The following MPDZ variants were observed in gnomAD, a reference collection of about 807,000 sequenced individuals.
The protein encoded by MPDZ is multiple PDZ domain protein.
In MPDZ, 234 loss-of-function variants were observed where a neutral mutation model predicts 239.1. That is an observed-to-expected ratio of 0.98 (90% CI 0.88 to 1.09). MPDZ has a LOEUF of 1.09. Among genes scored for constraint, MPDZ ranks in the 50% least tolerant of loss-of-function variants. The pLI is 0.00. For missense variants in MPDZ, 3,175 were observed against 2,510.0 expected (o/e 1.26, Z -5.66); for synonymous variants, 1,048 against 881.3 (o/e 1.19, Z -3.35).
In MPDZ at chr9:13,121,744, A is replaced by G; in HGVS notation, c.5226T>C (p.Gly1742=). 6.2e-7 allele frequency: 1 copy of G among 1,613,922 alleles called. No homozygotes were observed. The highest frequency in any genetic ancestry group is 8.5e-7 in the Non-Finnish European group (1 of 1,179,856). The change falls in exon 38 of 47, where the codon GGT becomes GGC. Residue 1742 remains glycine, a synonymous_variant. Coordinates refer to ENST00000319217, the MANE Select transcript of MPDZ (RefSeq NM_001378778.1). ...TTTGTCCTCCTCAATCACACCTTTT[A>G]CCAACAATACTTAATCCTAGGCCTT... ...PGKGLGLSIV[G]KRNDTGVFVS... is the part of the protein sequence containing the mutation.
chr9:13,244,933 G>C (rs1353374700), intron 3 of MPDZ, among the ~76,000 whole-genome samples: 1 of 152,072 alleles, frequency 6.6e-6, no homozygotes, highest in Admixed American at 6.5e-5. Context: ...GACTGATGGA[G>C]AGGGAGAATC....
intron 2 of MPDZ, among the ~76,000 whole-genome samples, chr9:13,248,904 TG>T (rs1286080427): frequency 7.9e-6 from 1 of 126,402 alleles, no homozygotes. Flanking sequence ...ACTCAAGAGG[TG>T]GAAGTTGCAG....
chr9:13,202,154 G>GT (rs1956458286), intron 12 of MPDZ, among the ~76,000 whole-genome samples: 1 of 152,050 alleles, frequency 6.6e-6, no homozygotes, highest in Non-Finnish European at 1.5e-5. Context: ...CTGGGCTGTT[G>GT]TTTTTTTCCC....
intron 7 of MPDZ, 30 bp downstream of exon 7, chr9:13,221,342 T>C (rs371258758): frequency 1.7e-5 from 27 of 1,563,394 alleles, no homozygotes; most frequent in Non-Finnish European, 2.3e-5. Flanking sequence ...TTTGATAAAA[T>C]AGCATAAAAG....
Position 13,230,730 on chromosome 9 carries a change from A to AAAAC in MPDZ, c.184-6151_184-6148dup, listed in dbSNP as rs777672765. On this transcript the variant is annotated intron_variant, in intron 3 of 46. Transcript: ENST00000319217. Reference sequence around the variant, plus strand: ...ATAGCTAGGTTAATCTATATAAGTAAAAACAAACAAACAAAACAGAGGGAG... The same window carrying AAAAC: ...ATAGCTAGGTTAATCTATATAAGTAAAAACAAACAAACAAACAAAACAGAGGGAG... Among the ~76,000 whole-genome samples, 21 of 152,234 alleles carry AAAAC rather than the reference A, an allele frequency of 1.4e-4. No individual in the cohort carries two copies. In the East Asian group the frequency reaches 3.7e-3, roughly 27 times the overall value.
In MPDZ at chr9:13,250,330, A is replaced by G; in HGVS notation, c.-15T>C. 1 of 1,585,020 alleles carries G rather than the reference A, an allele frequency of 6.3e-7. No homozygotes were observed. Among genetic ancestry groups the G allele is most frequent in the Non-Finnish European group, 8.6e-7 (1 of 1,164,126 alleles). ...GCTTCCAACATTTTTTTCAAAGTTC[A>G]GTGTTCTTCTCTGAAATGATTAACA... On this transcript the variant is annotated 5_prime_UTR_variant, in exon 2 of 47. Transcript: ENST00000319217.
At chr9:13,223,485 A>G in intron 5 of MPDZ, 86 bp downstream of exon 5, 1 of 1,421,974 alleles carries the variant, frequency 7.0e-7, no homozygotes, top group Non-Finnish European at 9.3e-7. Context: ...GTTGCCATTC[A>G]TTATTATTTT....
intron 1 of MPDZ, among the ~76,000 whole-genome samples, chr9:13,258,029 A>C (rs969082992): frequency 6.6e-6 from 1 of 152,208 alleles, no homozygotes; most frequent in Admixed American, 6.5e-5. Flanking sequence ...AATAAATCTC[A>C]AAGATTTTAC....
intron 1 of MPDZ, among the ~76,000 whole-genome samples, chr9:13,261,840 T>C (rs1185169679): frequency 7.2e-6 from 1 of 139,712 alleles, no homozygotes; most frequent in Admixed American, 7.7e-5. Flanking sequence ...AAAACCAGCC[T>C]GGCCAACAAA....
At chr9:13,220,718 G>T (rs1023341452) in intron 7 of MPDZ, among the ~76,000 whole-genome samples, 1 of 151,956 alleles carries the variant, frequency 6.6e-6, no homozygotes, top group African/African-American at 2.4e-5. Flanking sequence ...CCTACTTTAA[G>T]TTCAAACACA....
At chr9:13,185,635 T>C (rs1457805662) in intron 18 of MPDZ, among the ~76,000 whole-genome samples, 2 of 152,118 alleles carry the variant, frequency 1.3e-5, no homozygotes, top group South Asian at 2.1e-4. Context: ...CCTTTAGTTA[T>C]TGATATAGCA....
chr9:13,140,125 G>C lies in MPDZ; in HGVS notation c.3865C>G (p.Pro1289Ala). The change falls in exon 28 of 47, where the codon CCA becomes GCA. Residue 1289 changes from proline (P) to alanine (A), a missense_variant. Transcript: ENST00000319217. ...DKAPSQSESE[P>A]EKAPLCSVPP... The stretch of plus-strand genomic sequence containing the variant: ...ACACTGCACAATGGAGCCTTCTCTG[G>C]CTCTGACTCTGACTGACTGGGTGCC... 6.2e-7 allele frequency: 1 copy of C among 1,613,360 alleles called. No homozygotes were observed. Among genetic ancestry groups the C allele is most frequent in the Non-Finnish European group, 8.5e-7 (1 of 1,179,708 alleles).
chr9:13,260,119 G>C (rs1416236825), intron 1 of MPDZ, among the ~76,000 whole-genome samples: 2 of 151,886 alleles, frequency 1.3e-5, no homozygotes, highest in South Asian at 2.1e-4. Flanking sequence ...TGGGATTATA[G>C]GTGTGGCCAC....
intron 28 of MPDZ, 145 bp downstream of exon 28, chr9:13,139,842 A>C: frequency 1.0e-6 from 1 of 984,126 alleles, no homozygotes; most frequent in Non-Finnish European, 1.6e-6. Flanking sequence ...ATTCAAGCAA[A>C]ACAAACACTA....
At chr9:13,122,032 C>T (rs1298552908) in intron 37 of MPDZ, 55 bp downstream of exon 37, 9 of 1,602,552 alleles carry the variant, frequency 5.6e-6, no homozygotes, top group South Asian at 1.1e-5. Flanking sequence ...AGAAACACTC[C>T]CCCCAGGAGC....
chr9:13,116,048 A>G (rs991492804), intron 39 of MPDZ, among the ~76,000 whole-genome samples: 1 of 152,108 alleles, frequency 6.6e-6, no homozygotes, highest in Non-Finnish European at 1.5e-5. Context: ...TACTTAGATA[A>G]TTGGGTAAAT....
intron 1 of MPDZ, among the ~76,000 whole-genome samples, chr9:13,276,311 A>AGT (rs1398922795): frequency 1.3e-5 from 2 of 152,184 alleles, no homozygotes; most frequent in African/African-American, 4.8e-5. Flanking sequence ...CCTTAGTCTT[A>AGT]TTCTCCCACA....
At chr9:13,138,731 T>A (rs1243582572) in intron 28 of MPDZ, among the ~76,000 whole-genome samples, 1 of 152,142 alleles carries the variant, frequency 6.6e-6, no homozygotes, top group Non-Finnish European at 1.5e-5. Context: ...CTACCCCACA[T>A]CTTCAAGAGG....
chr9:13,245,616 A>T (rs1277885108), intron 3 of MPDZ, among the ~76,000 whole-genome samples: 1 of 152,168 alleles, frequency 6.6e-6, no homozygotes, highest in African/African-American at 2.4e-5. Flanking sequence ...CAAAGTCCAA[A>T]AACATGTAAG....
Sources: allele counts gnomAD v4.1 joint callset (sites outside exome capture counted in the v4.1 genomes callset), GRCh38; gene constraint gnomAD v4.1.1; transcripts MANE v1.5; gene names NCBI Gene and HGNC (gene_info 2026-07-23, HGNC 2026-07-21).